Variants in LETM2 observed in about 807,000 individuals in gnomAD.
LETM2 encodes the protein LETM1 domain-containing protein LETM2, mitochondrial.
A neutral mutation model predicts 59.6 loss-of-function variants in LETM2; 58 were observed. The ratio of observed to expected loss-of-function variants is 0.97; its 90% CI spans 0.79 to 1.21. The LOEUF is 1.21. Among genes scored for constraint, LETM2 ranks in the 50% most tolerant of loss-of-function variants. The pLI is 0.00. For synonymous variants in LETM2, 199 were observed against 214.1 expected (o/e 0.93, Z 0.62); for missense variants, 572 against 575.7 (o/e 0.99, Z 0.07).
Position 38,400,271 on chromosome 8 carries a change from G to A in LETM2, c.646-1G>A, listed in dbSNP as rs1166036940. On this transcript the variant is annotated splice_acceptor_variant, in intron 4 of 10. Transcript: ENST00000379957. LOFTEE classifies it high-confidence loss of function. ...GTAACTTTTATTCTTCTACCATTAA[G>A]GAAGAAAAACAGAAAAAGAAAATGG... The A allele has an allele frequency of 6.2e-7, 1 of 1,604,668 alleles. No homozygotes were observed. Among genetic ancestry groups the A allele is most frequent in the East Asian group, 2.2e-5 (1 of 44,828 alleles).
chr8:38,402,524 G>A lies in LETM2; in HGVS notation c.985-1G>A. The A allele has an allele frequency of 6.2e-7, 1 of 1,613,870 alleles. No individual in the cohort carries two copies. The highest frequency in any genetic ancestry group is 1.3e-5 in the African/African-American group (1 of 75,024). ...AACTCCATCCCTTACATTTCTTTCA[G>A]ATAATTGCCAAGGAAGGGGTGACAG... On this transcript the variant is annotated splice_acceptor_variant, in intron 6 of 10. Coordinates refer to ENST00000379957, the MANE Select transcript of LETM2 (RefSeq NM_001286819.2). LOFTEE classifies it high-confidence loss of function.
In LETM2 at chr8:38,401,002, G is replaced by C. The variant is rs748638550; in HGVS notation, c.933G>C (p.Leu311=). ...LELQTFGTNN[L]LRFQLLMKLK... is the part of the protein sequence containing the mutation. ...TGCAGACATTTGGAACCAACAACCT[G>C]CTCCGCTTTCAGCTCCTGATGAAAC... Residue 311 remains leucine, a synonymous_variant, in exon 6 of 11, where the codon CTG becomes CTC. Coordinates refer to ENST00000379957, the MANE Select transcript of LETM2 (RefSeq NM_001286819.2). The C allele has an allele frequency of 1.2e-6, 2 of 1,613,976 alleles. No homozygotes were observed. The highest frequency in any genetic ancestry group is 1.3e-5 in the African/African-American group (1 of 74,898).
chr8:38,405,457 CTAAG>C (rs1813643823), intron 8 of LETM2, among the ~76,000 whole-genome samples: 1 of 152,176 alleles, frequency 6.6e-6, no homozygotes, highest in African/African-American at 2.4e-5. Context: ...AGTCCAAGTA[CTAAG>C]TGAGGGCCAG....
At position 38,404,414 on chromosome 8, in the gene LETM2, G is replaced by GAGAACGTCCCTCC; in HGVS notation, c.1127_1139dup (p.Ser381GlufsTer24). The stretch of plus-strand genomic sequence containing the variant: ...CCAGTGGCAGGACCTCCACCTGAAG[G>GAGAACGTCCCTCC]AGAACGTCCCTCCTTCCCTTTTGCT... On this transcript the variant is annotated frameshift_variant, in exon 8 of 11. Transcript: ENST00000379957. LOFTEE classifies it high-confidence loss of function. 1 of 1,613,784 alleles carries GAGAACGTCCCTCC rather than the reference G, an allele frequency of 6.2e-7. No individual in the cohort carries two copies. The highest frequency in any genetic ancestry group is 8.5e-7 in the Non-Finnish European group (1 of 1,179,722).
Position 38,408,898 on chromosome 8 carries a change from C to T in LETM2, c.*624C>T, listed in dbSNP as rs952237986. On this transcript the variant is annotated 3_prime_UTR_variant, in exon 11 of 11. Coordinates refer to ENST00000379957, the MANE Select transcript of LETM2 (RefSeq NM_001286819.2). The stretch of plus-strand genomic sequence containing the variant: ...AGGCTGCAGCAATCTGTGAGGCAGC[C>T]GCAATCTGCGAGGCAGCCACTCTTC... 6.6e-6 allele frequency: 1 copy of T among 152,330 alleles called. No individual in the cohort carries two copies. Among genetic ancestry groups the T allele is most frequent in the Non-Finnish European group, 1.5e-5 (1 of 68,140 alleles). The allele number at this position is 152,330 out of a possible 1,614,324, so 9.4% of individuals were successfully genotyped here. A position where few individuals can be genotyped will look rare whatever the true frequency, so the allele number is the denominator to read the frequency against.
chr8:38,399,796 A>C (rs1419684419), intron 4 of LETM2, among the ~76,000 whole-genome samples: 2 of 150,626 alleles, frequency 1.3e-5, no homozygotes, highest in Non-Finnish European at 3.0e-5. Flanking sequence ...AAAAAAAAAA[A>C]TTAGCCAGGT....
chr8:38,404,661 A>C, intron 8 of LETM2, 155 bp downstream of exon 8: 1 of 584,760 alleles, frequency 1.7e-6, no homozygotes, highest in Non-Finnish European at 3.1e-6. Context: ...TTCTAAAAAA[A>C]CCAACCAACC....
intron 2 of LETM2, among the ~76,000 whole-genome samples, chr8:38,388,768 T>G (rs574194868): frequency 6.4e-4 from 97 of 151,912 alleles, no homozygotes; most frequent in Non-Finnish European, 1.2e-3. Flanking sequence ...TTGTTTGTTT[T>G]TGTTTTCTTT....
Position 38,392,708 on chromosome 8 carries a change from A to G in LETM2, c.214A>G (p.Arg72Gly). The G allele has an allele frequency of 6.2e-7, 1 of 1,614,216 alleles. No homozygotes were observed. The highest frequency in any genetic ancestry group is 8.5e-7 in the Non-Finnish European group (1 of 1,180,040). Residue 72 changes from arginine (R) to glycine (G), a missense_variant, in exon 3 of 11, where the codon AGA (arginine) becomes GGA (glycine). By Grantham distance (125) the Arg-to-Gly change is moderately radical (BLOSUM62 -2). Coordinates refer to ENST00000379957, the MANE Select transcript of LETM2 (RefSeq NM_001286819.2). ...PGNTVLHPGTRLIQKLHTSTC... is the reference protein window; with the variant it reads ...PGNTVLHPGTGLIQKLHTSTC... ...CAATACAGTACTTCACCCAGGAACT[A>G]GACTAATACAAAAGCTACACACATC... is the stretch of plus-strand genomic sequence containing the variant.
intron 2 of LETM2, among the ~76,000 whole-genome samples, chr8:38,388,372 G>A (rs1458366767): frequency 2.0e-5 from 3 of 151,492 alleles, no homozygotes; most frequent in Non-Finnish European, 4.4e-5. Context: ...GAGTCACCTC[G>A]CCTGGCCTGA....
intron 4 of LETM2, chr8:38,396,914 T>TAA: frequency 7.2e-5 from 20 of 277,314 alleles, no homozygotes; most frequent in South Asian, 1.9e-4. Flanking sequence ...AGATCCTGTT[T>TAA]AAAAAAAAAA....
chr8:38,390,161 C>T (rs1008833933), intron 2 of LETM2, among the ~76,000 whole-genome samples: 3 of 151,970 alleles, frequency 2.0e-5, no homozygotes, highest in African/African-American at 7.3e-5. Context: ...TGTGATCACA[C>T]CACTCTACTC....
At chr8:38,383,947 T>A (rs906047252), upstream of LETM2, among the ~76,000 whole-genome samples, 17 of 146,322 alleles carry the variant, frequency 1.2e-4, no homozygotes, top group African/African-American at 4.3e-4. Flanking sequence ...AAAAAAAAAA[T>A]CTCATTACTA....
chr8:38,401,164 C>A, intron 6 of LETM2, 111 bp downstream of exon 6: 2 of 875,956 alleles, frequency 2.3e-6, no homozygotes, highest in Non-Finnish European at 3.5e-6. Flanking sequence ...GTTTTTGAGA[C>A]AAAGTCTTGC....
At chr8:38,397,914 T>A (rs982691025) in intron 4 of LETM2, among the ~76,000 whole-genome samples, 2 of 152,038 alleles carry the variant, frequency 1.3e-5, no homozygotes, top group Non-Finnish European at 2.9e-5. Context: ...CCGAGGTGGG[T>A]GGGTCACTTG....
chr8:38,400,936 A>AGATC lies in LETM2; in HGVS notation c.869_872dup (p.Pro292SerfsTer37), dbSNP rs1813159576. On this transcript the variant is annotated frameshift_variant, in exon 6 of 11. Transcript: ENST00000379957. LOFTEE classifies it high-confidence loss of function. ...AGGACCAGCTGGCCCTGGAACACTT[A>AGATC]GATCGCCCTCAGCTGGTTGCCCTTT... 1 of 1,614,066 alleles carries AGATC rather than the reference A, an allele frequency of 6.2e-7. No homozygotes were observed. Among genetic ancestry groups the AGATC allele is most frequent in the Non-Finnish European group, 8.5e-7 (1 of 1,180,014 alleles).
intron 4 of LETM2, among the ~76,000 whole-genome samples, chr8:38,399,979 T>G (rs866518047): frequency 3.4e-5 from 5 of 146,948 alleles, no homozygotes; most frequent in South Asian, 2.2e-4. Flanking sequence ...GAGAGAGAGA[T>G]AGTATCTCGT....
intron 5 of LETM2, 188 bp from the exon 6 acceptor site, chr8:38,400,664 CA>C: frequency 3.0e-6 from 2 of 672,290 alleles, no homozygotes; most frequent in Non-Finnish European, 4.9e-6. Flanking sequence ...GTCAAACTTC[CA>C]AACTCCTGAT....
In LETM2 at chr8:38,402,514, A is replaced by G. The variant is rs2150444842; in HGVS notation, c.985-11A>G. 3.1e-6 allele frequency: 5 copies of G among 1,613,596 alleles called. No individual in the cohort carries two copies. Among genetic ancestry groups the G allele is most frequent in the Non-Finnish European group, 4.2e-6 (5 of 1,179,566 alleles). On this transcript the variant is annotated splice_polypyrimidine_tract_variant and intron_variant, in intron 6 of 10. Coordinates refer to ENST00000379957, the MANE Select transcript of LETM2 (RefSeq NM_001286819.2). ...CAAAAGTTCCAACTCCATCCCTTAC[A>G]TTTCTTTCAGATAATTGCCAAGGAA...
Sources: allele counts gnomAD v4.1 joint callset (sites outside exome capture counted in the v4.1 genomes callset), GRCh38; gene constraint gnomAD v4.1.1; transcripts MANE v1.5; gene names NCBI Gene and HGNC (gene_info 2026-07-23, HGNC 2026-07-21).